USP43: variants seen among roughly 807,000 people sequenced by gnomAD.
USP43 encodes the protein ubiquitin specific peptidase 43, also known as ubiquitin carboxyl-terminal hydrolase 43.
USP43 carries 33 observed loss-of-function variants against 90.7 expected under a neutral mutation model. The observed-to-expected ratio is 0.36, with a 90% confidence interval of 0.28 to 0.49. USP43 has a LOEUF of 0.49. Ranked by LOEUF, USP43 falls within the 20% of genes least tolerant of loss-of-function variation. USP43 has a pLI of 0.98. For missense variants in USP43, 1,274 were observed against 1,476.4 expected, an observed-to-expected ratio of 0.86 and a Z score of 2.25; for synonymous variants, 598 against 615.8, an observed-to-expected ratio of 0.97 and a Z score of 0.43.
At chr17:9,658,434 C>G (rs1057188449) in intron 2 of USP43, among the ~76,000 whole-genome samples, 2 of 152,106 alleles carry the variant, frequency 1.3e-5, no homozygotes, top group African/African-American at 4.8e-5. Flanking sequence ...CTTCTAAAGC[C>G]GCACAGCTAA....
chr17:9,671,620 G>A (rs934217088), intron 3 of USP43, among the ~76,000 whole-genome samples: 7 of 152,170 alleles, frequency 4.6e-5, no homozygotes, highest in Admixed American at 2.0e-4. Context: ...TAGCACTGAC[G>A]GGATTAGCTT....
chr17:9,683,723 T>G (rs983764354), intron 7 of USP43, among the ~76,000 whole-genome samples: 3 of 152,234 alleles, frequency 2.0e-5, no homozygotes, highest in South Asian at 4.1e-4. Flanking sequence ...ATGGTATATT[T>G]CATATTACTA....
chr17:9,657,755 C>T (rs1221730924), intron 2 of USP43, among the ~76,000 whole-genome samples: 4 of 152,116 alleles, frequency 2.6e-5, no homozygotes, highest in Non-Finnish European at 5.9e-5. Context: ...GGGAAACTTC[C>T]TCCATGATCC....
At chr17:9,724,378 G>C (rs965860743) in intron 14 of USP43, among the ~76,000 whole-genome samples, 5 of 152,100 alleles carry the variant, frequency 3.3e-5, no homozygotes, top group Admixed American at 2.6e-4. Context: ...ATTGTACTCG[G>C]CTCAAGAAAC....
chr17:9,716,182 T>G (rs1916560641), intron 14 of USP43, among the ~76,000 whole-genome samples: 1 of 152,148 alleles, frequency 6.6e-6, no homozygotes, highest in Non-Finnish European at 1.5e-5. Context: ...TTCAAATTAT[T>G]TTTTTAGTTC....
chr17:9,646,282 C>T (rs1480027884), intron 1 of USP43, 146 bp downstream of exon 1: 8 of 1,088,720 alleles, frequency 7.3e-6, no homozygotes, highest in African/African-American at 3.3e-5. Flanking sequence ...TGTTTTGAGT[C>T]GATGTGTTAC....
At chr17:9,661,173 A>C (rs1912613046) in intron 2 of USP43, among the ~76,000 whole-genome samples, 1 of 152,158 alleles carries the variant, frequency 6.6e-6, no homozygotes. Context: ...GCACATTTTT[A>C]TTACCCTGTT....
intron 14 of USP43, 131 bp from the exon 15 acceptor site, chr17:9,727,823 G>T (rs943380458): frequency 1.1e-5 from 11 of 998,396 alleles, no homozygotes; most frequent in African/African-American, 9.8e-5. Flanking sequence ...ACCCTATGTG[G>T]CTTCTTCACT....
chr17:9,664,498 C>T (rs899943215), intron 2 of USP43, among the ~76,000 whole-genome samples: 1 of 152,140 alleles, frequency 6.6e-6, no homozygotes, highest in South Asian at 2.1e-4. Flanking sequence ...TAGACAGGTG[C>T]ACGATGTATC....
chr17:9,667,346 C>T (rs993390831), intron 3 of USP43, among the ~76,000 whole-genome samples: 3 of 151,418 alleles, frequency 2.0e-5, no homozygotes, highest in Admixed American at 1.3e-4. Context: ...GAGCCGTGAT[C>T]GCACCACTGT....
intron 13 of USP43, 95 bp from the exon 14 acceptor site, chr17:9,711,873 T>C (rs1433447915): frequency 1.5e-6 from 2 of 1,349,684 alleles, no homozygotes; most frequent in Non-Finnish European, 1.9e-6. Context: ...GGCTGAAGGA[T>C]GGGGCCGGAA....
At chr17:9,650,946 T>G (rs955212731) in intron 1 of USP43, among the ~76,000 whole-genome samples, 2 of 152,162 alleles carry the variant, frequency 1.3e-5, no homozygotes, top group Non-Finnish European at 2.9e-5. Flanking sequence ...CAATGGACAC[T>G]GGACCCAGCG....
At chr17:9,719,781 C>A (rs892158323) in intron 14 of USP43, among the ~76,000 whole-genome samples, 14 of 152,118 alleles carry the variant, frequency 9.2e-5, no homozygotes, top group African/African-American at 3.4e-4. Context: ...AAAAATCCAG[C>A]GTTTGCTGGA....
rs1053041506 is a variant in USP43 at position 9,729,084 on chromosome 17, C to T, written c.*94C>T. 2.2e-5 allele frequency: 29 copies of T among 1,300,760 alleles called. No individual in the cohort carries two copies. Among genetic ancestry groups the T allele is most frequent in the Middle Eastern group, 4.2e-4 (2 of 4,810 alleles). The allele number at this position is 1,300,760 out of a possible 1,614,324, so 80.6% of individuals were successfully genotyped here. ...GTTGAGAATGGGTTTCCAGGAAACC[C>T]GTTGTCTTGTAATCTCTAAAAAAAA... On this transcript the variant is annotated 3_prime_UTR_variant, in exon 15 of 15. Transcript: ENST00000285199.
In USP43 at chr17:9,728,730, G is replaced by C. The variant is rs746484903; in HGVS notation, c.3112G>C (p.Ala1038Pro). The change falls in exon 15 of 15, where the codon GCT becomes CCT. Residue 1038 changes from alanine (A) to proline (P), a missense_variant. Ala to Pro is a conservative substitution (Grantham distance 27, BLOSUM62 -1). This residue lies in a region of USP43 where 353 missense variants were observed against 329.7 expected (regional missense o/e 1.07). Transcript: ENST00000285199. This position sits in a 1 kb window ranked among gnomAD's most constrained non-coding sequence, Gnocchi z 6.2. ...GGLSPAMDGQ[A>P]PGSPPALRIP... ...GCTGAGCCCTGCCATGGACGGGCAG[G>C]CTCCAGGCTCACCTCCTGCCCTCAG... The C allele has an allele frequency of 6.9e-6, 11 of 1,600,956 alleles. No homozygotes were observed. The highest frequency in any genetic ancestry group is 2.3e-5 in the East Asian group (1 of 44,290).
Position 9,674,197 on chromosome 17 carries a change from C to G in USP43, c.741-694C>G. Among the ~76,000 whole-genome samples the G allele has an allele frequency of 6.6e-6, 1 of 151,980 alleles. No homozygotes were observed. The highest frequency in any genetic ancestry group is 2.1e-4 in the South Asian group (1 of 4,766). ...GCATGCTGGGTTTGTATGGCAGGGG[C>G]GGGTTATAGCTTCCCTTCCCATACT... On this transcript the variant is annotated intron_variant, in intron 3 of 14. Transcript: ENST00000285199. The surrounding 1 kb of genome is among the most constrained non-coding windows in gnomAD (Gnocchi z 4.4).
At chr17:9,654,035 T>G (rs921633958) in intron 1 of USP43, among the ~76,000 whole-genome samples, 1 of 152,068 alleles carries the variant, frequency 6.6e-6, no homozygotes, top group African/African-American at 2.4e-5. Flanking sequence ...ATTAAAAGGA[T>G]GAGCTGGTTT....
intron 1 of USP43, among the ~76,000 whole-genome samples, chr17:9,651,106 G>A (rs1359576768): frequency 6.6e-6 from 1 of 152,108 alleles, no homozygotes; most frequent in Non-Finnish European, 1.5e-5. Flanking sequence ...TTGATTAGGA[G>A]CGAGGTGGAC....
intron 5 of USP43, among the ~76,000 whole-genome samples, chr17:9,678,925 A>G (rs1913975414): frequency 2.0e-5 from 3 of 152,058 alleles, no homozygotes; most frequent in Admixed American, 2.0e-4. Flanking sequence ...CAACTTGCAT[A>G]ATTACGAGTC....
Sources: gnomAD v4.1 joint callset for allele counts (sites outside exome capture counted in the v4.1 genomes callset) on GRCh38, gnomAD v4.1.1 for gene constraint, gnomAD v4.1.1 regional missense constraint, Gnocchi (gnomAD v3.1) non-coding constraint, MANE v1.5 for transcripts, NCBI Gene and HGNC (gene_info 2026-07-23, HGNC 2026-07-21) for gene names.